Variants in DNMT3B observed in about 807,000 individuals in gnomAD.
DNMT3B encodes DNA methyltransferase 3 beta, also known as DNA (cytosine-5)-methyltransferase 3B.
A neutral mutation model predicts 120.2 loss-of-function variants in DNMT3B; 37 were observed. The observed-to-expected ratio is 0.31, with a 90% CI of 0.24 to 0.40. DNMT3B has a LOEUF of 0.40. DNMT3B is among the 10% of genes least tolerant of loss of function. DNMT3B has a pLI of 1.00. For missense variants in DNMT3B, 878 were observed against 1,137.3 expected (o/e 0.77, Z 3.28); for synonymous variants, 412 against 442.8 (o/e 0.93, Z 0.87).
intron 1 of DNMT3B, among the ~76,000 whole-genome samples, chr20:32,764,884 G>C (rs1987208414): frequency 6.6e-6 from 1 of 152,146 alleles, no homozygotes; most frequent in African/African-American, 2.4e-5. Flanking sequence ...TTGAGAGGCT[G>C]CTTCCTTCCC....
At chr20:32,797,817 G>A (rs1229323741) in intron 14 of DNMT3B, among the ~76,000 whole-genome samples, 4 of 151,988 alleles carry the variant, frequency 2.6e-5, no homozygotes, top group Non-Finnish European at 4.4e-5. Context: ...GGAGCACCAC[G>A]CCCAGATAAT....
intron 6 of DNMT3B, 75 bp downstream of exon 6, chr20:32,787,526 G>A (rs1979472745): frequency 4.1e-6 from 6 of 1,478,458 alleles, no homozygotes; most frequent in Non-Finnish European, 5.6e-6. Flanking sequence ...ACCTGCTACT[G>A]TTGGTAACAG....
chr20:32,801,141 A>G, intron 18 of DNMT3B, 137 bp from the exon 19 acceptor site: 2 of 1,346,984 alleles, frequency 1.5e-6, no homozygotes, highest in Non-Finnish European at 2.1e-6. Flanking sequence ...CCCTGCTGTC[A>G]TTCAGGTGGA....
chr20:32,763,441 C>G (rs958526469), intron 1 of DNMT3B, among the ~76,000 whole-genome samples: 9 of 152,190 alleles, frequency 5.9e-5, no homozygotes, highest in Non-Finnish European at 1.3e-4. Flanking sequence ...CGGCGCCTCC[C>G]TGTCCCGGCC....
chr20:32,797,285 C>T lies in DNMT3B; in HGVS notation c.1476C>T (p.Asn492=). The stretch of plus-strand genomic sequence containing the variant: ...GCCGAGAGCTGCTGCTTTGCAGCAA[C>T]ACGAGCTGCTGCCGGTGAGCACTGG... ...CEGRELLLCS[N]TSCCRCFCVE... The change falls in exon 14 of 23, where the codon AAC becomes AAT. Residue 492 remains asparagine (N), a synonymous_variant. Transcript: ENST00000328111. 1 of 1,614,108 alleles carries T rather than the reference C, an allele frequency of 6.2e-7. No homozygotes were observed. The highest frequency in any genetic ancestry group is 1.1e-5 in the South Asian group (1 of 91,088).
intron 7 of DNMT3B, among the ~76,000 whole-genome samples, chr20:32,789,272 A>G (rs1979685085): frequency 6.6e-6 from 1 of 152,198 alleles, no homozygotes; most frequent in African/African-American, 2.4e-5. Context: ...TTGGGGGCAG[A>G]ATCATCAGTG....
At chr20:32,806,079 T>C in intron 21 of DNMT3B, 130 bp from the exon 22 acceptor site, 1 of 866,218 alleles carries the variant, frequency 1.2e-6, no homozygotes, top group South Asian at 1.4e-5. Flanking sequence ...CAGGTACTTT[T>C]CTCTCCCAGC....
Position 32,800,286 on chromosome 20 carries a change from C to T in DNMT3B, c.1893C>T (p.Ile631=), listed in dbSNP as rs768256092. The T allele has an allele frequency of 6.2e-7, 1 of 1,614,176 alleles. No homozygotes were observed. Among genetic ancestry groups the T allele is most frequent in the South Asian group, 1.1e-5 (1 of 91,086 alleles). The change falls in exon 17 of 23, where the codon ATC becomes ATT. Residue 631 remains isoleucine, a synonymous_variant. Transcript: ENST00000328111. ...AATACGTGAACGACGTGAGGAACAT[C>T]ACAAAGAAAAATGTGAGGGCAGTCT... ...NIKYVNDVRN[I]TKKNIEEWGP...
chr20:32,805,066 C>T (rs1209133206), intron 20 of DNMT3B, among the ~76,000 whole-genome samples: 1 of 152,154 alleles, frequency 6.6e-6, no homozygotes, highest in Non-Finnish European at 1.5e-5. Context: ...TTTCTCCTGC[C>T]CTACCCCATG....
At chr20:32,792,583 C>A in intron 8 of DNMT3B, 43 bp from the exon 9 acceptor site, 1 of 1,613,846 alleles carries the variant, frequency 6.2e-7, no homozygotes. Context: ...TGGCGAGCAC[C>A]TCCTCCCCAC....
chr20:32,792,540 A>G, intron 8 of DNMT3B, 86 bp from the exon 9 acceptor site: 1 of 1,607,812 alleles, frequency 6.2e-7, no homozygotes, highest in Non-Finnish European at 8.5e-7. Flanking sequence ...AGGGGAATGT[A>G]GGCCCTGGCT....
intron 20 of DNMT3B, 143 bp downstream of exon 20, chr20:32,802,613 G>T: frequency 1.2e-6 from 1 of 824,504 alleles, no homozygotes; most frequent in South Asian, 1.4e-5. Flanking sequence ...GGTCGTGCGG[G>T]TTGATCTCTG....
intron 1 of DNMT3B, among the ~76,000 whole-genome samples, chr20:32,773,823 A>G (rs529617478): frequency 6.6e-6 from 1 of 151,450 alleles, no homozygotes; most frequent in African/African-American, 2.4e-5. Context: ...TTAATAGAGA[A>G]GAGGTTTTGC....
At chr20:32,787,742 T>C (rs1487772225) in intron 6 of DNMT3B, among the ~76,000 whole-genome samples, 2 of 152,182 alleles carry the variant, frequency 1.3e-5, no homozygotes, top group African/African-American at 2.4e-5. Context: ...ATACATTTCA[T>C]GTACGCCCGT....
At position 32,781,344 on chromosome 20, in the gene DNMT3B, C is replaced by G. The variant is rs377138079; in HGVS notation, c.143-9C>G. 63 of 1,614,066 alleles carry G rather than the reference C, an allele frequency of 3.9e-5. No individual in the cohort carries two copies. In the Middle Eastern group the frequency reaches 1.2e-3, roughly 29 times the overall value. The stretch of plus-strand genomic sequence containing the variant: ...CCACAAAACAGACTCCTGGCTGTTT[C>G]CTCTACAGGCCGAAGATCAAGCTCG... On this transcript the variant is annotated splice_polypyrimidine_tract_variant and intron_variant, in intron 2 of 22. Transcript: ENST00000328111.
intron 16 of DNMT3B, 119 bp from the exon 17 acceptor site, chr20:32,800,034 T>C (rs1981131485): frequency 1.1e-5 from 16 of 1,440,660 alleles, no homozygotes; most frequent in Admixed American, 3.4e-5. Context: ...CTTTGCTGGA[T>C]TGAACGCATG....
At chr20:32,798,355 T>C in intron 14 of DNMT3B, 105 bp from the exon 15 acceptor site, 2 of 1,456,616 alleles carry the variant, frequency 1.4e-6, no homozygotes, top group Non-Finnish European at 1.9e-6. Flanking sequence ...CGATCCTAGG[T>C]AAGCTTTCAG....
chr20:32,803,714 T>C (rs1465368796), intron 20 of DNMT3B, among the ~76,000 whole-genome samples: 1 of 152,100 alleles, frequency 6.6e-6, no homozygotes, highest in East Asian at 1.9e-4. Flanking sequence ...CATGCAGTTA[T>C]TAGAGTACTC....
At chr20:32,766,199 C>G (rs1345888239) in intron 1 of DNMT3B, among the ~76,000 whole-genome samples, 1 of 152,198 alleles carries the variant, frequency 6.6e-6, no homozygotes, top group South Asian at 2.1e-4. Context: ...CAAAAAGTAG[C>G]CAGGCGTGTT....
Sources: allele counts gnomAD v4.1 joint callset (sites outside exome capture counted in the v4.1 genomes callset), GRCh38; gene constraint gnomAD v4.1.1; transcripts MANE v1.5; gene names NCBI Gene and HGNC (gene_info 2026-07-23, HGNC 2026-07-21).